Variants in ARL17A observed in about 807,000 individuals in gnomAD.
ARL17A encodes the protein ARF like GTPase 17A.
At chr17:46,502,939 G>A in the ARL17A span, among the ~76,000 whole-genome samples, 3,054 of 150,384 alleles carry the variant, frequency 0.02, 286 homozygotes, top group African/African-American at 0.073. Flanking sequence ...ATTGCCAGGC[G>A]TGGTGGCTCA....
rs954213302 is a variant in ARL17A, at chr17:46,558,341, C to T, written c.260-711G>A. On this transcript the variant is annotated intron_variant, in intron 3 of 3. Coordinates refer to ENST00000336125, the MANE Select transcript of ARL17A (RefSeq NM_001113738.2). ...TCCCAAAGGGCTGAGATTACAGGTGCGAGCTACCGCGCCTGGCTTGTTTTG... is the reference window on the plus strand; with the variant it reads ...TCCCAAAGGGCTGAGATTACAGGTGTGAGCTACCGCGCCTGGCTTGTTTTG... 3.5e-4 allele frequency among the ~76,000 whole-genome samples: 38 copies of T among 108,202 alleles called. 1 individual carries two copies. The highest frequency in any genetic ancestry group is 1.4e-3 in the African/African-American group (34 of 24,798). The allele number at this position is 108,202 out of a possible 152,430, so 71.0% of individuals were successfully genotyped here. A position where few individuals can be genotyped will look rare whatever the true frequency, so the allele number is the denominator to read the frequency against.
the ARL17A span, among the ~76,000 whole-genome samples, chr17:46,501,238 C>T: frequency 1.9e-4 from 28 of 151,126 alleles, 1 homozygote; most frequent in African/African-American, 6.7e-4. Flanking sequence ...GGCAGTGGTG[C>T]GATCTTGGCT....
rs2057132753 is a variant in ARL17A at position 46,554,230 on chromosome 17, C to T, written c.*3126G>A. Reference sequence around the variant, plus strand: ...ATCACTTGAGGTTAGGAGCTCGTGACCAGCCTGACCAACATGGTGAAACCC... The same window carrying T: ...ATCACTTGAGGTTAGGAGCTCGTGATCAGCCTGACCAACATGGTGAAACCC... On this transcript the variant is annotated 3_prime_UTR_variant, in exon 4 of 4. Coordinates refer to ENST00000336125, the MANE Select transcript of ARL17A (RefSeq NM_001113738.2). The T allele has an allele frequency of 6.9e-6, 1 of 145,976 alleles. No individual in the cohort carries two copies. The highest frequency in any genetic ancestry group is 1.0e-5 in the Non-Finnish European group (1 of 96,422). The allele number at this position is 145,976 out of a possible 1,614,324, so 9.0% of individuals were successfully genotyped here. A position where few individuals can be genotyped will look rare whatever the true frequency, so the allele number is the denominator to read the frequency against.
chr17:46,534,819 C>G (rs1240789545), intron 4 of ARL17A, among the ~76,000 whole-genome samples: 4 of 147,254 alleles, frequency 2.7e-5, no homozygotes, highest in African/African-American at 1.1e-4. Context: ...GCTGGCCAGG[C>G]GGGGGCTGGC....
intron 3 of ARL17A, among the ~76,000 whole-genome samples, chr17:46,558,587 C>A (rs1478117267): frequency 8.2e-6 from 1 of 121,428 alleles, no homozygotes; most frequent in Non-Finnish European, 1.7e-5. Flanking sequence ...AAAACAGTTT[C>A]ACCATGTTGG....
Position 46,534,894 on chromosome 17 carries a change from G to A in ARL17A, c.335+3457C>T, listed in dbSNP as rs1260868441. Reference sequence around the variant, plus strand: ...GGGCTCCTCACTTCTCAGACGGGGCGGCTGCTGGGCGGAGGGGCTCCTCAC... The same window carrying A: ...GGGCTCCTCACTTCTCAGACGGGGCAGCTGCTGGGCGGAGGGGCTCCTCAC... On this transcript the variant is annotated intron_variant, in intron 4 of 4. Transcript: ENST00000329240. Among the ~76,000 whole-genome samples the A allele has an allele frequency of 1.1e-4, 17 of 149,526 alleles. 1 individual carries two copies. Among genetic ancestry groups the A allele is most frequent in the East Asian group, 3.9e-4 (2 of 5,114 alleles).
At chr17:46,530,004 TAAC>T (rs1484687412) in intron 4 of ARL17A, among the ~76,000 whole-genome samples, 10 of 144,772 alleles carry the variant, frequency 6.9e-5, no homozygotes, top group African/African-American at 1.3e-4. Flanking sequence ...GGAGGAAAGA[TAAC>T]AAACTTTGCC....
At chr17:46,525,669 T>C (rs55947083), downstream of ARL17A, among the ~76,000 whole-genome samples, 17,529 of 89,542 alleles carry the variant, frequency 0.2, 1,690 homozygotes, top group African/African-American at 0.29. Flanking sequence ...ACTACAATTA[T>C]GTAGGCAACA....
At chr17:46,558,448 G>A (rs2057406116) in intron 3 of ARL17A, among the ~76,000 whole-genome samples, 1 of 114,672 alleles carries the variant, frequency 8.7e-6, no homozygotes, top group South Asian at 2.6e-4. Context: ...GTGCAGCAGC[G>A]TGATCTCGGT....
intron 3 of ARL17A, among the ~76,000 whole-genome samples, chr17:46,558,054 T>C (rs1425574090): frequency 2.2e-5 from 3 of 137,756 alleles, no homozygotes; most frequent in African/African-American, 8.3e-5. Context: ...AATTCAGGAG[T>C]TTTGTTTGTT....
chr17:46,543,698 G>A (rs1475275192), intron 3 of ARL17A, among the ~76,000 whole-genome samples: 2 of 150,946 alleles, frequency 1.3e-5, no homozygotes, highest in African/African-American at 2.5e-5. Context: ...ATGTGGCAAA[G>A]TATTAGCAAC....
At chr17:46,534,689 C>T (rs2054320203) in intron 4 of ARL17A, among the ~76,000 whole-genome samples, 1 of 149,970 alleles carries the variant, frequency 6.7e-6, no homozygotes, top group South Asian at 2.1e-4. Flanking sequence ...TCATCATGGC[C>T]CGTTCTCAAT....
chr17:46,545,521 T>C (rs1334290484), intron 3 of ARL17A, among the ~76,000 whole-genome samples: 2 of 123,758 alleles, frequency 1.6e-5, no homozygotes, highest in African/African-American at 7.9e-5. Context: ...TCAGTGAAGA[T>C]CCTGTTCTCA....
rs1296907060 is a variant in ARL17A at position 46,532,964 on chromosome 17, G to A, written c.336-4105C>T. On this transcript the variant is annotated intron_variant, in intron 4 of 4. Coordinates refer to the ARL17A transcript ENST00000329240. ...AAAAAAATGTAAAAGTTAGCTGAAC[G>A]TGGTGGCACATGCCTGTAGTCACAG... Among the ~76,000 whole-genome samples the A allele has an allele frequency of 8.3e-5, 10 of 120,928 alleles. 1 individual carries two copies. The highest frequency in any genetic ancestry group is 1.3e-4 in the African/African-American group (4 of 30,200). 79.3% of individuals were successfully genotyped at this position (120,928 alleles called of 152,430 possible).
intron 4 of ARL17A, among the ~76,000 whole-genome samples, chr17:46,529,243 T>G (rs1336905557): frequency 1.7e-5 from 2 of 116,680 alleles, no homozygotes; most frequent in African/African-American, 2.9e-5. Flanking sequence ...GTGAGCTACC[T>G]TTATTCTGTC....
downstream of ARL17A, among the ~76,000 whole-genome samples, chr17:46,525,622 TC>T (rs1285698835): frequency 3.4e-5 from 4 of 119,084 alleles, 1 homozygote; most frequent in South Asian, 3.6e-4. Context: ...ATAATCATCA[TC>T]ATCATCATCA....
rs1264451507 is a variant in ARL17A, at chr17:46,555,328, T to A, written c.*2028A>T. 6.6e-7 allele frequency: 1 copy of A among 1,518,478 alleles called. No individual in the cohort carries two copies. The highest frequency in any genetic ancestry group is 2.5e-5 in the East Asian group (1 of 39,846). 94.1% of individuals were successfully genotyped at this position (1,518,478 alleles called of 1,614,324 possible). ...GGACAGCCGCTCTGGTTTAAAGATA[T>A]GTACAAACCTCTCAGTGCCACAAGA... On this transcript the variant is annotated 3_prime_UTR_variant, in exon 4 of 4. Transcript: ENST00000336125.
chr17:46,530,627 T>TTA (rs1163480776), intron 4 of ARL17A, among the ~76,000 whole-genome samples: 1 of 65,800 alleles, frequency 1.5e-5, no homozygotes, highest in Non-Finnish European at 3.3e-5. Context: ...CTTCTTTGTG[T>TTA]TACATTGAGA....
At chr17:46,558,200 C>T (rs1483736565) in intron 3 of ARL17A, among the ~76,000 whole-genome samples, 2 of 103,534 alleles carry the variant, frequency 1.9e-5, no homozygotes, top group African/African-American at 4.4e-5. Flanking sequence ...GCTGGGGTTA[C>T]AGGCATGCAC....
Sources: allele counts gnomAD v4.1 joint callset (sites outside exome capture counted in the v4.1 genomes callset), GRCh38; gene constraint gnomAD v4.1.1; transcripts MANE v1.5; gene names NCBI Gene and HGNC (gene_info 2026-07-23, HGNC 2026-07-21).